Variants in ZNF726 observed in about 807,000 individuals in gnomAD.
ZNF726 encodes the protein zinc finger protein 726.
Under a neutral mutation model 11.6 loss-of-function variants are expected in ZNF726, and 15 were observed. The observed-to-expected ratio is 1.29, with a 90% confidence interval of 0.86 to 1.99. ZNF726 has a LOEUF of 1.99. Among genes scored for constraint, ZNF726 ranks in the 30% most tolerant of loss-of-function variants. ZNF726 has a pLI of 0.00. For missense variants in ZNF726, 890 were observed against 725.6 expected (o/e 1.23, Z -2.60); for synonymous variants, 295 against 243.6 (o/e 1.21, Z -1.96).
chr19:23,934,203 C>A lies in ZNF726; in HGVS notation c.*236C>A. The A allele has an allele frequency of 2.6e-6, 2 of 774,670 alleles. No homozygotes were observed. The highest frequency in any genetic ancestry group is 2.3e-6 in the Non-Finnish European group (1 of 436,874). The allele number at this position is 774,670 out of a possible 1,614,324, so 48.0% of individuals were successfully genotyped here. A position where few individuals can be genotyped will look rare whatever the true frequency, so the allele number is the denominator to read the frequency against. ...AAATCTTACTACACATAAGATAATTCATACTGGAAATAAACCCTACAAATG... is the reference window on the plus strand; with the variant it reads ...AAATCTTACTACACATAAGATAATTAATACTGGAAATAAACCCTACAAATG... On this transcript the variant is annotated 3_prime_UTR_variant, in exon 4 of 4. Coordinates refer to ENST00000594466, the MANE Select transcript of ZNF726 (RefSeq NM_001244038.2).
chr19:23,917,153 G>A (rs1967721103), intron 1 of ZNF726, among the ~76,000 whole-genome samples: 1 of 152,134 alleles, frequency 6.6e-6, no homozygotes, highest in Admixed American at 6.5e-5. Context: ...GTTTCACCAT[G>A]CTAGCCAGGC....
At chr19:23,936,972 G>T (rs62114226), downstream of ZNF726, among the ~76,000 whole-genome samples, 1 of 151,778 alleles carries the variant, frequency 6.6e-6, no homozygotes, top group Non-Finnish European at 1.5e-5. Context: ...GAGCTGTTGG[G>T]TACACCTCCC....
rs1162937406 is a variant in ZNF726, at chr19:23,933,808, T to A, written c.1692T>A (p.Pro564=). 1 of 1,603,780 alleles carries A rather than the reference T, an allele frequency of 6.2e-7. No individual in the cohort carries two copies. Among genetic ancestry groups the A allele is most frequent in the Non-Finnish European group, 8.5e-7 (1 of 1,176,146 alleles). The part of the protein sequence containing the change: ...THKIIHTGEK[P]YKCEECGKAF... Reference sequence around the variant, plus strand: ...AGATAATTCATACTGGAGAGAAACCTTACAAGTGTGAAGAATGTGGAAAAG... The same window carrying A: ...AGATAATTCATACTGGAGAGAAACCATACAAGTGTGAAGAATGTGGAAAAG... Residue 564 remains proline (P), a synonymous_variant, in exon 4 of 4, where the codon CCT becomes CCA. Coordinates refer to ENST00000594466, the MANE Select transcript of ZNF726 (RefSeq NM_001244038.2).
intron 3 of ZNF726, among the ~76,000 whole-genome samples, chr19:23,939,871 T>A (rs1968309976): frequency 6.8e-6 from 1 of 147,872 alleles, no homozygotes; most frequent in Non-Finnish European, 1.5e-5. Context: ...GATTTTTTTT[T>A]TTTTTTTTTT....
downstream of ZNF726, chr19:23,935,469 G>A (rs1968214450): frequency 2.0e-6 from 1 of 496,550 alleles, no homozygotes; most frequent in Admixed American, 2.1e-5. Flanking sequence ...TTACAAGTGT[G>A]AATAATATGG....
At chr19:23,938,761 C>G (rs1426501891), downstream of ZNF726, among the ~76,000 whole-genome samples, 3 of 151,832 alleles carry the variant, frequency 2.0e-5, no homozygotes, top group African/African-American at 4.8e-5. Flanking sequence ...GTTCCCGCCA[C>G]CAGCCCAGCT....
At chr19:23,936,984 G>A (rs1968244382), downstream of ZNF726, among the ~76,000 whole-genome samples, 1 of 151,976 alleles carries the variant, frequency 6.6e-6, no homozygotes. Flanking sequence ...ACACCTCCCA[G>A]ACGGGGTGGT....
chr19:23,924,290 T>C (rs867642402), intron 3 of ZNF726, among the ~76,000 whole-genome samples: 9 of 151,900 alleles, frequency 5.9e-5, no homozygotes, highest in Middle Eastern at 3.2e-3. Flanking sequence ...CTGACCTCAG[T>C]TGAAATGCCC....
chr19:23,922,275 G>A (rs543583998), intron 3 of ZNF726, among the ~76,000 whole-genome samples: 2 of 152,214 alleles, frequency 1.3e-5, no homozygotes, highest in Non-Finnish European at 2.9e-5. Context: ...GGATGTGGAT[G>A]AGCATGGCTT....
rs144601362 is a variant in ZNF726, at chr19:23,929,971, C to G, written c.227-2372C>G. Among the ~76,000 whole-genome samples, 589 of 152,116 alleles carry G rather than the reference C, an allele frequency of 3.9e-3. 14 individuals are homozygous for G. Among genetic ancestry groups the G allele is most frequent in the Admixed American group, 0.035 (536 of 15,274 alleles). On this transcript the variant is annotated intron_variant, in intron 3 of 3. Transcript: ENST00000594466. The stretch of plus-strand genomic sequence containing the variant: ...ACAAAATGGACTTATTATAGCAGTT[C>G]TTACTATATGTAGAGTCTCACTGTA...
At chr19:23,926,416 G>A (rs560772713) in intron 3 of ZNF726, among the ~76,000 whole-genome samples, 3 of 151,816 alleles carry the variant, frequency 2.0e-5, no homozygotes, top group African/African-American at 7.3e-5. Flanking sequence ...TTAGCTGAGC[G>A]TGATGGCGTG....
At chr19:23,919,729 T>C in intron 2 of ZNF726, 1 of 522,374 alleles carries the variant, frequency 1.9e-6, no homozygotes, top group East Asian at 4.9e-5. Flanking sequence ...TTCAGAACCT[T>C]AGTGGCATAA....
downstream of ZNF726, among the ~76,000 whole-genome samples, chr19:23,937,309 G>T (rs1360620660): frequency 6.6e-6 from 1 of 151,830 alleles, no homozygotes; most frequent in African/African-American, 2.4e-5. Flanking sequence ...CCTTCCGGAC[G>T]AGGTGGCTAG....
chr19:23,920,929 G>C (rs562873546), intron 3 of ZNF726: 1 of 152,222 alleles, frequency 6.6e-6, no homozygotes, highest in East Asian at 1.9e-4. Flanking sequence ...TTTATAACCT[G>C]ATGTGTCCAC....
intron 3 of ZNF726, among the ~76,000 whole-genome samples, chr19:23,923,113 TG>T (rs1355872402): frequency 6.6e-6 from 1 of 152,152 alleles, no homozygotes; most frequent in Admixed American, 6.6e-5. Context: ...CAACCACTTT[TG>T]TCAGCCTATA....
intron 3 of ZNF726, among the ~76,000 whole-genome samples, chr19:23,939,862 A>ATTTTTTTTTTTTTTTTTTTTTTTTTTTTT (rs374902806): frequency 2.3e-5 from 2 of 87,154 alleles, no homozygotes; most frequent in African/African-American, 4.6e-5. Flanking sequence ...TTTTGATGGG[A>ATTTTTTTTTTTTTTTTTTTTTTTTTTTTT]TTTTTTTTTT....
At chr19:23,927,637 A>G (rs1429039016) in intron 3 of ZNF726, among the ~76,000 whole-genome samples, 2 of 152,110 alleles carry the variant, frequency 1.3e-5, no homozygotes, top group African/African-American at 2.4e-5. Context: ...GACTACAAAC[A>G]TAACGTACCA....
At position 23,934,440 on chromosome 19, in the gene ZNF726, A is replaced by T. The variant is rs556422297; in HGVS notation, c.*473A>T. The T allele has an allele frequency of 2.6e-5, 11 of 422,524 alleles. No homozygotes were observed. Among genetic ancestry groups the T allele is most frequent in the East Asian group, 2.1e-4 (3 of 14,576 alleles). The allele number at this position is 422,524 out of a possible 1,614,324, so 26.2% of individuals were successfully genotyped here. A position where few individuals can be genotyped will look rare whatever the true frequency, so the allele number is the denominator to read the frequency against. Reference sequence around the variant, plus strand: ...AAGCAGTCTTCAATCCTGAGTAACCATAAGATAATTCAAACTGGAAAGAAA... The same window carrying T: ...AAGCAGTCTTCAATCCTGAGTAACCTTAAGATAATTCAAACTGGAAAGAAA... On this transcript the variant is annotated 3_prime_UTR_variant, in exon 4 of 4. Coordinates refer to ENST00000594466, the MANE Select transcript of ZNF726 (RefSeq NM_001244038.2).
At chr19:23,915,483 G>A (rs1175473853) in intron 1 of ZNF726, among the ~76,000 whole-genome samples, 2 of 152,196 alleles carry the variant, frequency 1.3e-5, no homozygotes, top group Non-Finnish European at 2.9e-5. Context: ...GTATTCCATG[G>A]AAGGAAAGGT....
Sources: gnomAD v4.1 joint callset for allele counts (sites outside exome capture counted in the v4.1 genomes callset) on GRCh38, gnomAD v4.1.1 for gene constraint, MANE v1.5 for transcripts, NCBI Gene and HGNC (gene_info 2026-07-23, HGNC 2026-07-21) for gene names.